The following AOPEP variants were observed in gnomAD, a reference collection of about 807,000 sequenced individuals.
The protein encoded by AOPEP is aminopeptidase O (putative).
In AOPEP, 77 loss-of-function variants were observed where a neutral mutation model predicts 98.1. The observed-to-expected ratio is 0.78, with a 90% CI of 0.65 to 0.95. The LOEUF (loss-of-function observed/expected upper bound fraction) is 0.95. AOPEP is among the 40% of genes least tolerant of loss of function. The pLI is 0.00. For missense variants in AOPEP, 1,024 were observed against 1,024.7 expected, an observed-to-expected ratio of 1.00 and a Z score of 0.01; for synonymous variants, 346 against 365.3, an observed-to-expected ratio of 0.95 and a Z score of 0.60.
chr9:95,101,827 A>C, the AOPEP span: 10 of 1,614,018 alleles, frequency 6.2e-6, no homozygotes, highest in Non-Finnish European at 8.5e-6. Flanking sequence ...TGATCTCGTG[A>C]GTTATCTCAG....
At chr9:94,888,325 G>GTGTGTGTGTA (rs2048467897) in intron 5 of AOPEP, among the ~76,000 whole-genome samples, 1 of 151,758 alleles carries the variant, frequency 6.6e-6, no homozygotes, top group African/African-American at 2.4e-5. Flanking sequence ...GTGTGTGTGT[G>GTGTGTGTGTA]TGTGTGTACT....
At chr9:95,122,062 G>A in the AOPEP span, among the ~76,000 whole-genome samples, 1 of 151,946 alleles carries the variant, frequency 6.6e-6, no homozygotes, top group Non-Finnish European at 1.5e-5. Context: ...GTTTCACCGT[G>A]TTAGCCAGGA....
chr9:95,116,096 A>G, the AOPEP span, among the ~76,000 whole-genome samples: 1 of 152,236 alleles, frequency 6.6e-6, no homozygotes, highest in Non-Finnish European at 1.5e-5. Flanking sequence ...AGTTACACAA[A>G]CGGAAAGGTA....
chr9:94,866,726 CTT>C (rs1226815376), intron 5 of AOPEP, among the ~76,000 whole-genome samples: 1 of 151,994 alleles, frequency 6.6e-6, no homozygotes, highest in African/African-American at 2.4e-5. Context: ...AAATATAAGT[CTT>C]TTTCAAACCA....
chr9:94,821,790 C>T (rs967392134), intron 5 of AOPEP, among the ~76,000 whole-genome samples: 1 of 152,132 alleles, frequency 6.6e-6, no homozygotes, highest in Non-Finnish European at 1.5e-5. Context: ...GTGGTAACAT[C>T]AATGGGAGGC....
chr9:94,771,393 G>A (rs1434256939), intron 2 of AOPEP, among the ~76,000 whole-genome samples: 1 of 152,158 alleles, frequency 6.6e-6, no homozygotes, highest in Non-Finnish European at 1.5e-5. Flanking sequence ...TGGCAACCCA[G>A]GTGGTACAAA....
At chr9:94,943,336 G>A (rs758404194) in intron 7 of AOPEP, among the ~76,000 whole-genome samples, 3 of 152,250 alleles carry the variant, frequency 2.0e-5, no homozygotes, top group Non-Finnish European at 2.9e-5. Context: ...GCTCACGCCT[G>A]TAATCCCAGC....
Position 95,005,159 on chromosome 9 carries a change from C to T in AOPEP, c.1979C>T (p.Pro660Leu), listed in dbSNP as rs866044160. 1 of 1,150,698 alleles carries T rather than the reference C, an allele frequency of 8.7e-7. No homozygotes were observed. Among genetic ancestry groups the T allele is most frequent in the East Asian group, 4.7e-5 (1 of 21,450 alleles). The allele number at this position is 1,150,698 out of a possible 1,614,324, so 71.3% of individuals were successfully genotyped here. ...TGACTGTGTCCTCTTCCCCCGCAGC[C>T]GCTGCAGAGGGAGCGTCGCGCCGGG... ...DWLESSGIPK[P>L]LQRERRAGAE... Residue 660 changes from proline (P) to leucine (L), a missense_variant and splice_region_variant, in exon 12 of 17, where the codon CCG becomes CTG. Pro to Leu is a moderately conservative substitution (Grantham distance 98). Around this residue, in one of 3 missense-constraint regions of AOPEP, gnomAD observed 566 missense variants for 551.7 expected, o/e 1.03. Transcript: ENST00000375315.
intron 7 of AOPEP, among the ~76,000 whole-genome samples, chr9:94,935,674 C>A (rs116681692): frequency 3.3e-5 from 5 of 152,164 alleles, no homozygotes; most frequent in African/African-American, 7.2e-5. Flanking sequence ...GACGAAGAGT[C>A]GCAGAGAGCA....
At chr9:95,114,776 G>T in the AOPEP span, 2 of 1,370,750 alleles carry the variant, frequency 1.5e-6, no homozygotes, top group Non-Finnish European at 2.1e-6. Flanking sequence ...GGAACCACCT[G>T]CAGGGATGAC....
chr9:94,885,179 T>C (rs2048066664), intron 5 of AOPEP, among the ~76,000 whole-genome samples: 1 of 151,180 alleles, frequency 6.6e-6, no homozygotes, highest in African/African-American at 2.4e-5. Flanking sequence ...AGGAACCCCA[T>C]CTCTACAAAA....
At position 94,829,348 on chromosome 9, in the gene AOPEP, T is replaced by G. The variant is rs564841756; in HGVS notation, c.1364+28346T>G. On this transcript the variant is annotated intron_variant, in intron 5 of 16. Coordinates refer to ENST00000375315, the MANE Select transcript of AOPEP (RefSeq NM_001193329.3). ...ATGTGGAAAAATTTCAGGCCTTTTC[T>G]GTGGCCTTAAAAGTTTGAGATCCAA... Among the ~76,000 whole-genome samples the G allele has an allele frequency of 1.1e-3, 175 of 152,358 alleles. 1 individual carries two copies. Among genetic ancestry groups the G allele is most frequent in the African/African-American group, 3.8e-3 (160 of 41,578 alleles).
At chr9:94,755,182 A>G (rs1836730818) in intron 1 of AOPEP, among the ~76,000 whole-genome samples, 2 of 152,104 alleles carry the variant, frequency 1.3e-5, no homozygotes, top group South Asian at 4.1e-4. Flanking sequence ...TTTGTATGTT[A>G]TGGCTTATGA....
chr9:94,753,778 A>G (rs953432757), intron 1 of AOPEP, among the ~76,000 whole-genome samples: 2 of 152,248 alleles, frequency 1.3e-5, no homozygotes, highest in African/African-American at 2.4e-5. Flanking sequence ...ATGTGCCGGG[A>G]AAAAGCAAAC....
intron 9 of AOPEP, among the ~76,000 whole-genome samples, chr9:94,967,252 G>A (rs2059259316): frequency 6.6e-6 from 1 of 152,180 alleles, no homozygotes; most frequent in Admixed American, 6.5e-5. Context: ...ACAGATGGAG[G>A]CAGGGGCTTG....
chr9:94,890,225 C>T (rs1034237170), intron 5 of AOPEP, among the ~76,000 whole-genome samples: 1 of 149,118 alleles, frequency 6.7e-6, no homozygotes, highest in Non-Finnish European at 1.5e-5. Flanking sequence ...TTTTTTGAAA[C>T]GGAGCCTTGC....
At chr9:95,029,358 G>T (rs2064106749) in intron 13 of AOPEP, among the ~76,000 whole-genome samples, 1 of 152,116 alleles carries the variant, frequency 6.6e-6, no homozygotes, top group Middle Eastern at 3.2e-3. Context: ...TTGTCCTTTT[G>T]TCTGCGTGTG....
intron 5 of AOPEP, among the ~76,000 whole-genome samples, chr9:94,860,895 GAGT>G (rs1239828845): frequency 1.3e-5 from 2 of 152,188 alleles, no homozygotes; most frequent in African/African-American, 2.4e-5. Flanking sequence ...ATTGACCGTT[GAGT>G]CAGGAGACTT....
intron 16 of AOPEP, among the ~76,000 whole-genome samples, chr9:95,084,374 G>A (rs2070319089): frequency 6.6e-6 from 1 of 152,224 alleles, no homozygotes; most frequent in African/African-American, 2.4e-5. Flanking sequence ...GGAACCATGT[G>A]TGCCAGGAAA....
Sources: allele counts gnomAD v4.1 joint callset (sites outside exome capture counted in the v4.1 genomes callset), GRCh38; gene constraint gnomAD v4.1.1; regional missense constraint gnomAD v4.1.1; transcripts MANE v1.5; gene names NCBI Gene and HGNC (gene_info 2026-07-23, HGNC 2026-07-21).